KARS1: variants seen among roughly 807,000 people sequenced by gnomAD.
The protein encoded by KARS1 is lysyl-tRNA synthetase 1, also known as lysine--tRNA ligase.
A neutral mutation model predicts 63.9 loss-of-function variants in KARS1; 50 were observed. The ratio of observed to expected loss-of-function variants is 0.78; its 90% CI spans 0.62 to 0.99. The LOEUF is 0.99. Among genes scored for constraint, KARS1 ranks in the 50% least tolerant of loss-of-function variants. KARS1 has a pLI of 0.00. For synonymous variants in KARS1, 320 were observed against 264.6 expected (o/e 1.21, Z -2.03); for missense variants, 816 against 754.5 (o/e 1.08, Z -0.95).
chr16:75,631,384 T>C, intron 9 of KARS1, 32 bp downstream of exon 9: 3 of 1,611,850 alleles, frequency 1.9e-6, no homozygotes, highest in Non-Finnish European at 2.5e-6. Context: ...AAGGAGGGCC[T>C]TACAACGGAG....
At chr16:75,634,651 T>C (rs1006951792) in intron 6 of KARS1, among the ~76,000 whole-genome samples, 5 of 152,148 alleles carry the variant, frequency 3.3e-5, no homozygotes, top group African/African-American at 1.2e-4. Context: ...TCTCGGCTCA[T>C]GGCAAGCTCC....
At chr16:75,635,440 T>C (rs547801492) in intron 6 of KARS1, 219 of 501,618 alleles carry the variant, frequency 4.4e-4, no homozygotes, top group Non-Finnish European at 7.3e-4. Flanking sequence ...CGTGAATACA[T>C]ATTGAATGTG....
At position 75,631,194 on chromosome 16, in the gene KARS1, G is replaced by C; in HGVS notation, c.1312C>G (p.Arg438Gly). Reference sequence around the variant, plus strand: ...TTGTCAAGGAGCCTGGCTGTGGTCCGAGGTGGAGGGCATTCAACAGCTTTT... The same window carrying C: ...TTGTCAAGGAGCCTGGCTGTGGTCCCAGGTGGAGGGCATTCAACAGCTTTT... The part of the protein sequence containing the change: ...VAKAVECPPP[R>G]TTARLLDKLV... The change falls in exon 10 of 14, where the codon CGG becomes GGG. Residue 438 changes from arginine (R) to glycine (G), a missense_variant. Arg to Gly is a moderately radical substitution (Grantham distance 125, BLOSUM62 -2). Transcript: ENST00000302445. The C allele has an allele frequency of 6.2e-7, 1 of 1,613,996 alleles. No homozygotes were observed.
At chr16:75,631,387 C>A (rs772155670) in intron 9 of KARS1, 29 bp downstream of exon 9, 3 of 1,612,582 alleles carry the variant, frequency 1.9e-6, no homozygotes, top group Non-Finnish European at 2.5e-6. Context: ...GAGGGCCTTA[C>A]AACGGAGGAG....
At chr16:75,630,104 G>A (rs961094552) in intron 11 of KARS1, among the ~76,000 whole-genome samples, 8 of 152,320 alleles carry the variant, frequency 5.3e-5, no homozygotes, top group African/African-American at 1.7e-4. Context: ...GGCTTGATAC[G>A]TGTTTGCACA....
intron 1 of KARS1, among the ~76,000 whole-genome samples, chr16:75,646,358 T>C (rs1054017864): frequency 6.6e-6 from 1 of 151,934 alleles, no homozygotes; most frequent in Admixed American, 6.6e-5. Flanking sequence ...CTGCCCAACA[T>C]GGTGAAACCC....
intron 11 of KARS1, 55 bp from the exon 12 acceptor site, chr16:75,629,596 ATT>A (rs2082089402): frequency 6.2e-7 from 1 of 1,604,398 alleles, no homozygotes; most frequent in South Asian, 1.1e-5. Flanking sequence ...AATGAGCTAA[ATT>A]TTGTTTTTTC....
rs775996277 is a variant in KARS1, at chr16:75,636,495, A to G, written c.441T>C (p.Leu147=). ...CTTGCAACTTCACCCCCTCTCCTCGAAGATCATAGAAGATGAGCTTTCCCC... is the reference window on the plus strand; with the variant it reads ...CTTGCAACTTCACCCCCTCTCCTCGGAGATCATAGAAGATGAGCTTTCCCC... The part of the protein sequence containing the change: ...ASGGKLIFYD[L]RGEGVKLQVM... Residue 147 remains leucine, a synonymous_variant, in exon 4 of 14, where the codon CTT becomes CTC. Transcript: ENST00000302445. 9.3e-6 allele frequency: 15 copies of G among 1,613,776 alleles called. No homozygotes were observed. The highest frequency in any genetic ancestry group is 1.3e-5 in the African/African-American group (1 of 75,050).
At chr16:75,640,859 A>T (rs2082216539) in intron 2 of KARS1, among the ~76,000 whole-genome samples, 3 of 152,234 alleles carry the variant, frequency 2.0e-5, no homozygotes, top group Non-Finnish European at 4.4e-5. Flanking sequence ...CAGCCTCAGA[A>T]ATACGTAAAC....
rs373703901 is a variant in KARS1 at position 75,643,527 on chromosome 16, G to A, written c.63-1804C>T. The stretch of plus-strand genomic sequence containing the variant: ...GGAGTAGCTGGGACTACAGGTGCCC[G>A]CCACCATGCCCGGCTAATTTTTTTG... On this transcript the variant is annotated intron_variant, in intron 1 of 13. Transcript: ENST00000302445. Among the ~76,000 whole-genome samples the A allele has an allele frequency of 2.5e-3, 374 of 152,040 alleles. 4 individuals are homozygous for A. Among genetic ancestry groups the A allele is most frequent in the African/African-American group, 8.5e-3 (353 of 41,456 alleles).
intron 3 of KARS1, among the ~76,000 whole-genome samples, chr16:75,638,200 AG>A (rs1316440281): frequency 2.0e-5 from 3 of 149,594 alleles, no homozygotes; most frequent in Non-Finnish European, 4.4e-5. Context: ...AGACATGCTT[AG>A]AAAAACAAAA....
At chr16:75,631,011 T>C (rs1454616472) in intron 10 of KARS1, among the ~76,000 whole-genome samples, 157 bp downstream of exon 10, 3 of 152,218 alleles carry the variant, frequency 2.0e-5, no homozygotes, top group Admixed American at 6.5e-5. Context: ...GAGCTTAGTA[T>C]GACAGTTAAA....
rs1454346391 is a variant in KARS1 at position 75,628,448 on chromosome 16, G to A, written c.1695+121C>T. 3.4e-6 allele frequency: 4 copies of A among 1,173,018 alleles called. No homozygotes were observed. The African/African-American group carries it at 4.5e-5, about 13-fold the overall frequency. 72.7% of individuals were successfully genotyped at this position (1,173,018 alleles called of 1,614,324 possible). A position where few individuals can be genotyped will look rare whatever the true frequency, so the allele number is the denominator to read the frequency against. On this transcript the variant is annotated intron_variant, in intron 13 of 13. Coordinates refer to ENST00000302445, the MANE Select transcript of KARS1 (RefSeq NM_005548.3). ...CCTGTGAGTGGCATGGAACTCCTCTGCCTGCTCCTCTTCCCAGCCCAAAGC... is the reference window on the plus strand; with the variant it reads ...CCTGTGAGTGGCATGGAACTCCTCTACCTGCTCCTCTTCCCAGCCCAAAGC...
chr16:75,632,492 C>A (rs1046772136), intron 7 of KARS1, among the ~76,000 whole-genome samples: 1 of 152,200 alleles, frequency 6.6e-6, no homozygotes, highest in Non-Finnish European at 1.5e-5. Flanking sequence ...ACTTGTGAGA[C>A]TTCAGCATGG....
intron 3 of KARS1, among the ~76,000 whole-genome samples, chr16:75,638,944 G>A (rs1266388174): frequency 6.6e-6 from 1 of 152,132 alleles, no homozygotes; most frequent in African/African-American, 2.4e-5. Flanking sequence ...GTGGCAGGTG[G>A]ATCACCTGAG....
intron 3 of KARS1, 182 bp downstream of exon 3, chr16:75,640,002 G>C: frequency 3.2e-6 from 2 of 619,618 alleles, no homozygotes; most frequent in Non-Finnish European, 2.9e-6. Context: ...TCTGGAATAT[G>C]ATTCCATGTC....
At chr16:75,640,408 G>A in intron 2 of KARS1, 59 bp from the exon 3 acceptor site, 1 of 1,549,320 alleles carries the variant, frequency 6.5e-7, no homozygotes, top group African/African-American at 1.4e-5. Context: ...GACCAGTGGG[G>A]CCCACCTAGC....
chr16:75,629,470 T>C lies in KARS1; in HGVS notation c.1496A>G (p.Tyr499Cys). 6.2e-7 allele frequency: 1 copy of C among 1,614,234 alleles called. No homozygotes were observed. Among genetic ancestry groups the C allele is most frequent in the Non-Finnish European group, 8.5e-7 (1 of 1,180,022 alleles). Residue 499 changes from tyrosine (Y) to cysteine (C), a missense_variant, in exon 12 of 14, where the codon TAT becomes TGT. Tyr to Cys is a radical substitution (Grantham distance 194, BLOSUM62 -2). Coordinates refer to ENST00000302445, the MANE Select transcript of KARS1 (RefSeq NM_005548.3). The part of the protein sequence containing the change: ...FVMKKEICNA[Y>C]TELNDPMRQR... The stretch of plus-strand genomic sequence containing the variant: ...CCGCATGGGATCATTCAGCTCAGTA[T>C]ACGCATTGCATATCTCTTTCTTCAT...
intron 1 of KARS1, among the ~76,000 whole-genome samples, chr16:75,642,594 T>C (rs1456721011): frequency 6.6e-6 from 1 of 152,026 alleles, no homozygotes; most frequent in African/African-American, 2.4e-5. Context: ...AGGATGATAG[T>C]AAGGAAGAGC....
Sources: allele counts gnomAD v4.1 joint callset (sites outside exome capture counted in the v4.1 genomes callset), GRCh38; gene constraint gnomAD v4.1.1; transcripts MANE v1.5; gene names NCBI Gene and HGNC (gene_info 2026-07-23, HGNC 2026-07-21).